P2RY12: variants seen among roughly 807,000 people sequenced by gnomAD.
The protein encoded by P2RY12 is P2Y purinoceptor 12.
In P2RY12, 3 loss-of-function variants were observed where a neutral mutation model predicts 4.5. That is an observed-to-expected ratio of 0.67 (90% CI 0.31 to 1.74). The LOEUF (loss-of-function observed/expected upper bound fraction) is 1.74, where lower values mean the gene tolerates loss of function less well. Among genes scored for constraint, P2RY12 ranks in the 40% most tolerant of loss-of-function variants. P2RY12 has a pLI of 0.09. For missense variants in P2RY12, 356 were observed against 407.8 expected, an observed-to-expected ratio of 0.87 and a Z score of 1.09; for synonymous variants, 148 against 154.1, an observed-to-expected ratio of 0.96 and a Z score of 0.29.
At chr3:151,342,852 T>C (rs1003706155) in intron 1 of P2RY12, among the ~76,000 whole-genome samples, 2 of 152,204 alleles carry the variant, frequency 1.3e-5, no homozygotes, top group African/African-American at 4.8e-5. Context: ...TAATTGTCAA[T>C]ATTTAATTTC....
At chr3:151,354,203 C>T (rs1326414893) in intron 1 of P2RY12, among the ~76,000 whole-genome samples, 1 of 148,208 alleles carries the variant, frequency 6.7e-6, no homozygotes, top group East Asian at 2.0e-4. Context: ...AATCATATAT[C>T]CAACTTTTCC....
At chr3:151,376,202 G>A (rs1165028138) in intron 1 of P2RY12, 1 of 1,585,602 alleles carries the variant, frequency 6.3e-7, no homozygotes, top group Admixed American at 1.8e-5. Flanking sequence ...AGCACATTAA[G>A]CGTATTCTTC....
chr3:151,348,823 A>G (rs1752888692), intron 1 of P2RY12, among the ~76,000 whole-genome samples: 1 of 152,248 alleles, frequency 6.6e-6, no homozygotes, highest in Non-Finnish European at 1.5e-5. Flanking sequence ...CAGAAGCAAT[A>G]TGCTACTTTG....
At chr3:151,339,803 A>G (rs934011327) in intron 2 of P2RY12, among the ~76,000 whole-genome samples, 1 of 152,032 alleles carries the variant, frequency 6.6e-6, no homozygotes, top group African/African-American at 2.4e-5. Context: ...AAACTTAACA[A>G]GTGACTTGAA....
chr3:151,339,860 A>C (rs1751578194), intron 2 of P2RY12, among the ~76,000 whole-genome samples: 1 of 152,154 alleles, frequency 6.6e-6, no homozygotes, highest in Non-Finnish European at 1.5e-5. Flanking sequence ...TGACGTTTGT[A>C]ATCTTTTTAT....
chr3:151,382,718 C>T (rs750004260), intron 1 of P2RY12: 145 of 1,611,910 alleles, frequency 9.0e-5, no homozygotes, highest in Non-Finnish European at 1.2e-4. Context: ...AGATGATGCA[C>T]GAAGCATTGC....
At position 151,366,558 on chromosome 3, in the gene P2RY12, A is replaced by G. The variant is rs557081775; in HGVS notation, c.-180+18134T>C. On this transcript the variant is annotated intron_variant, in intron 1 of 2. Transcript: ENST00000302632. ...CCTTGGATATCATGTTGCATCCATG[A>G]TGTGTGTATTTCTTTAAAAATCTGT... Among the ~76,000 whole-genome samples, 7 of 152,254 alleles carry G rather than the reference A, an allele frequency of 4.6e-5. No individual in the cohort carries two copies. The South Asian group carries it at 1.4e-3, about 31-fold the overall frequency.
intron 1 of P2RY12, among the ~76,000 whole-genome samples, chr3:151,343,092 A>T (rs1486912136): frequency 6.6e-6 from 1 of 152,066 alleles, no homozygotes; most frequent in Non-Finnish European, 1.5e-5. Flanking sequence ...TCTCCCACTA[A>T]GAGGCCCCAG....
At chr3:151,355,907 T>C (rs1428246689) in intron 1 of P2RY12, 1 of 1,609,630 alleles carries the variant, frequency 6.2e-7, no homozygotes, top group African/African-American at 1.3e-5. Context: ...TTTCTAACAA[T>C]GTGCTAGAAC....
At chr3:151,355,125 G>A in intron 1 of P2RY12, 1 of 1,611,820 alleles carries the variant, frequency 6.2e-7, no homozygotes, top group Non-Finnish European at 8.5e-7. Context: ...ATGTAGTTGG[G>A]GACGAAGGAC....
chr3:151,350,878 T>A (rs564024611), intron 1 of P2RY12, among the ~76,000 whole-genome samples: 41 of 152,370 alleles, frequency 2.7e-4, no homozygotes, highest in Non-Finnish European at 5.4e-4. Context: ...TGGAATTTTG[T>A]AATTATCCAC....
intron 1 of P2RY12, chr3:151,360,414 A>G: frequency 1.3e-6 from 2 of 1,509,808 alleles, no homozygotes; most frequent in Non-Finnish European, 1.8e-6. Flanking sequence ...TAAAAGAGTC[A>G]AATGATAACC....
rs1162096176 is a variant in P2RY12, at chr3:151,337,054, GTAT to G, written c.*760_*762del. The stretch of plus-strand genomic sequence containing the variant: ...TTAATAAAGGTAAGTGTCAATGATG[GTAT>G]TATTGAAGTTGTAAAAAATTAGTAA... On this transcript the variant is annotated 3_prime_UTR_variant, in exon 3 of 3. Transcript: ENST00000302632. 1 of 151,994 alleles carries G rather than the reference GTAT, an allele frequency of 6.6e-6. No individual in the cohort carries two copies. Among genetic ancestry groups the G allele is most frequent in the East Asian group, 1.9e-4 (1 of 5,194 alleles). 9.4% of individuals were successfully genotyped at this position (151,994 alleles called of 1,614,324 possible).
intron 1 of P2RY12, among the ~76,000 whole-genome samples, chr3:151,377,514 A>C (rs1371813567): frequency 1.3e-5 from 2 of 152,204 alleles, no homozygotes; most frequent in Non-Finnish European, 2.9e-5. Context: ...GCACAAATAT[A>C]TCCTGGTAAT....
chr3:151,345,501 TTTC>T (rs1451220902), intron 1 of P2RY12, among the ~76,000 whole-genome samples: 1 of 107,736 alleles, frequency 9.3e-6, no homozygotes, highest in African/African-American at 3.1e-5. Context: ...CTACGTTTTC[TTTC>T]TTTTTTCTTT....
chr3:151,361,707 G>C (rs368810611), intron 1 of P2RY12, among the ~76,000 whole-genome samples: 7 of 152,250 alleles, frequency 4.6e-5, no homozygotes, highest in African/African-American at 1.7e-4. Context: ...GTAAGTGTGA[G>C]AGACAATATT....
In P2RY12 at chr3:151,365,817, G is replaced by A. The variant is rs200118612; in HGVS notation, c.-180+18875C>T. ...AGGTGAGTATTTCTCTTTTGTACAA[G>A]GTTACTTTCTGTGTCTTCTTTTTCT... On this transcript the variant is annotated intron_variant, in intron 1 of 2. Transcript: ENST00000302632. 1.1e-5 allele frequency: 18 copies of A among 1,568,036 alleles called. No individual in the cohort carries two copies. In the Admixed American group the frequency reaches 3.1e-4, roughly 27 times the overall value.
In P2RY12 at chr3:151,378,227, T is replaced by C. The variant is rs112216333; in HGVS notation, c.-180+6465A>G. On this transcript the variant is annotated intron_variant, in intron 1 of 2. Transcript: ENST00000302632. ...AGAGTTTAAAGAATAATTGAGAAAG[T>C]CTCACTTCCTGTAAACCTGTGTGGT... 8.7e-3 allele frequency: 12,883 copies of C among 1,488,624 alleles called. 90 individuals are homozygous for C. The highest frequency in any genetic ancestry group is 0.022 in the South Asian group (1,620 of 74,528). 92.2% of individuals were successfully genotyped at this position (1,488,624 alleles called of 1,614,324 possible).
intron 1 of P2RY12, among the ~76,000 whole-genome samples, chr3:151,352,322 C>T (rs1014649051): frequency 6.6e-6 from 1 of 152,096 alleles, no homozygotes; most frequent in Non-Finnish European, 1.5e-5. Context: ...GATCCTCAAC[C>T]TTTTTCAGTA....
Sources: gnomAD v4.1 joint callset for allele counts (sites outside exome capture counted in the v4.1 genomes callset) on GRCh38, gnomAD v4.1.1 for gene constraint, MANE v1.5 for transcripts, NCBI Gene and HGNC (gene_info 2026-07-23, HGNC 2026-07-21) for gene names.